DMD: variants seen among roughly 807,000 people sequenced by gnomAD.
DMD encodes mutant dystrophin.
A neutral mutation model predicts 330.1 loss-of-function variants in DMD; 63 were observed. That is an observed-to-expected ratio of 0.19 (90% CI 0.16 to 0.24). The LOEUF (loss-of-function observed/expected upper bound fraction) is 0.24. Ranked by LOEUF, DMD falls within the 10% of genes least tolerant of loss-of-function variation. The pLI is 1.00. For synonymous variants in DMD, 1,223 were observed against 959.8 expected, an observed-to-expected ratio of 1.27 and a Z score of -5.07; for missense variants, 3,344 against 2,684.1, an observed-to-expected ratio of 1.25 and a Z score of -5.43.
intron 47 of DMD, among the ~76,000 whole-genome samples, chrX:31,914,738 T>C (rs12010675): frequency 0.12 from 12,917 of 111,472 alleles, 1,774 homozygotes; most frequent in African/African-American, 0.39. Context: ...CTGGGAAGGA[T>C]AGTGGAGGAG....
chrX:32,829,853 T>C (rs1225141151), intron 4 of DMD, among the ~76,000 whole-genome samples: 1 of 111,987 alleles, frequency 8.9e-6, no homozygotes, highest in Admixed American at 9.5e-5. Context: ...GATTTAAAAC[T>C]ATGTCTGGAT....
intron 41 of DMD, among the ~76,000 whole-genome samples, chrX:32,310,911 G>T (rs1379828602): frequency 1.8e-5 from 2 of 110,743 alleles, no homozygotes; most frequent in Non-Finnish European, 1.9e-5. Context: ...ATTTTAAAAA[G>T]AACTCCAGAA....
intron 23 of DMD, among the ~76,000 whole-genome samples, chrX:32,465,594 T>C (rs566259588): frequency 1.0e-5 from 1 of 97,828 alleles, no homozygotes; most frequent in African/African-American, 3.7e-5. Flanking sequence ...TTTTTTTTTT[T>C]TTTTTTTTTG....
intron 42 of DMD, among the ~76,000 whole-genome samples, chrX:32,300,800 T>G (rs1427803252): frequency 9.0e-6 from 1 of 110,632 alleles, no homozygotes; most frequent in Admixed American, 9.7e-5. Context: ...GCCAGGTAGG[T>G]TTTATGGAGG....
chrX:31,735,861 G>A (rs1328028002), intron 51 of DMD, among the ~76,000 whole-genome samples: 2 of 111,922 alleles, frequency 1.8e-5, no homozygotes, highest in Non-Finnish European at 3.8e-5. Flanking sequence ...CTCTGAGTGA[G>A]AAGTGCCCTA....
chrX:32,162,203 C>T (rs993994929), intron 44 of DMD, among the ~76,000 whole-genome samples: 1 of 111,015 alleles, frequency 9.0e-6, no homozygotes, highest in Non-Finnish European at 1.9e-5. Flanking sequence ...AGAAGGAAAA[C>T]AATGTGAAGA....
intron 51 of DMD, among the ~76,000 whole-genome samples, chrX:31,741,219 G>T (rs2087312490): frequency 9.0e-6 from 1 of 111,676 alleles, no homozygotes; most frequent in African/African-American, 3.3e-5. Flanking sequence ...ATTGATGAGT[G>T]TTGGAATTAA....
At chrX:32,196,742 T>C (rs1039505243) in intron 44 of DMD, among the ~76,000 whole-genome samples, 4 of 109,897 alleles carry the variant, frequency 3.6e-5, no homozygotes, top group Admixed American at 9.7e-5. Flanking sequence ...TCCCAGCACT[T>C]TGGGAGGCCA....
chrX:33,045,987 G>A (rs1193157474), intron 1 of DMD, among the ~76,000 whole-genome samples: 1 of 111,447 alleles, frequency 9.0e-6, no homozygotes, highest in Non-Finnish European at 1.9e-5. Context: ...ACTAAGGGCG[G>A]GATGCAGGTA....
chrX:32,830,063 AGAG>A (rs760473017), intron 4 of DMD, among the ~76,000 whole-genome samples: 12 of 111,815 alleles, frequency 1.1e-4, no homozygotes, highest in African/African-American at 3.9e-4. Flanking sequence ...TGAAGACTCT[AGAG>A]GAGGGAGGTA....
intron 48 of DMD, among the ~76,000 whole-genome samples, chrX:31,847,839 T>C (rs1229421575): frequency 2.7e-5 from 3 of 112,042 alleles, no homozygotes; most frequent in Non-Finnish European, 5.7e-5. Flanking sequence ...AAACATTTAT[T>C]ATATGTCAAA....
At chrX:32,592,848 C>G (rs2055080232) in intron 13 of DMD, among the ~76,000 whole-genome samples, 1 of 112,280 alleles carries the variant, frequency 8.9e-6, no homozygotes, top group Non-Finnish European at 1.9e-5. Context: ...TCAGGTGCCA[C>G]CGCGATCCCC....
At chrX:33,226,117 G>T (rs1425635779) in intron 1 of DMD, among the ~76,000 whole-genome samples, 1 of 111,563 alleles carries the variant, frequency 9.0e-6, no homozygotes, top group African/African-American at 3.2e-5. Flanking sequence ...CTTACACATT[G>T]TTGGTGGAAA....
intron 62 of DMD, among the ~76,000 whole-genome samples, chrX:31,318,852 G>C (rs58100261): frequency 0.048 from 5,320 of 111,827 alleles, 299 homozygotes; most frequent in African/African-American, 0.16. Flanking sequence ...AGTTTCATTA[G>C]TGAATTCTTC....
chrX:32,392,209 A>T (rs1373764498), intron 30 of DMD, among the ~76,000 whole-genome samples: 1 of 111,814 alleles, frequency 8.9e-6, no homozygotes, highest in Admixed American at 9.5e-5. Context: ...TGAGGTGGTA[A>T]CAAAAACACT....
chrX:32,679,753 C>A (rs921750170), intron 9 of DMD, among the ~76,000 whole-genome samples: 3 of 109,041 alleles, frequency 2.8e-5, no homozygotes, highest in Admixed American at 9.9e-5. Flanking sequence ...GCGAAAAACA[C>A]TTAAAACATG....
chrX:32,110,107 G>A (rs6631493), intron 44 of DMD, among the ~76,000 whole-genome samples: 11,115 of 111,445 alleles, frequency 0.1, 525 homozygotes, highest in African/African-American at 0.18. Flanking sequence ...GATTTTGCCA[G>A]TCAAATTTCA....
At chrX:32,286,098 T>G (rs1394256545) in intron 43 of DMD, among the ~76,000 whole-genome samples, 10 of 110,792 alleles carry the variant, frequency 9.0e-5, no homozygotes, top group Admixed American at 3.9e-4. Flanking sequence ...GAACACCCAC[T>G]TTGTGCTCAG....
chrX:32,251,795 TAACAAG>T (rs1340722270), intron 43 of DMD, among the ~76,000 whole-genome samples: 1 of 110,774 alleles, frequency 9.0e-6, no homozygotes. Context: ...CTTAGAAACG[TAACAAG>T]ACCCTGTCTC....
Sources: gnomAD v4.1 joint callset for allele counts (sites outside exome capture counted in the v4.1 genomes callset) on GRCh38, gnomAD v4.1.1 for gene constraint, MANE v1.5 for transcripts, NCBI Gene and HGNC (gene_info 2026-07-23, HGNC 2026-07-21) for gene names.